Variants in TNKS observed in about 807,000 individuals in gnomAD.
TNKS encodes the protein tankyrase, also known as poly [ADP-ribose] polymerase tankyrase-1.
TNKS carries 72 observed loss-of-function variants against 135.8 expected under a neutral mutation model. The ratio of observed to expected loss-of-function variants is 0.53; its 90% CI spans 0.44 to 0.64. TNKS has a LOEUF of 0.64. Among genes scored for constraint, TNKS ranks in the 30% least tolerant of loss-of-function variants. TNKS has a pLI of 0.00. For missense variants in TNKS, 1,769 were observed against 1,674.0 expected (o/e 1.06, Z -0.99); for synonymous variants, 849 against 649.3 (o/e 1.31, Z -4.68).
At chr8:9,730,844 G>A (rs754906361) in intron 13 of TNKS, 46 bp from the exon 14 acceptor site, 1 of 1,576,672 alleles carries the variant, frequency 6.3e-7, no homozygotes, top group South Asian at 1.2e-5. Flanking sequence ...TGTGAATAAA[G>A]AGTAATGTTC....
At chr8:9,667,525 G>C (rs1373960916) in intron 3 of TNKS, among the ~76,000 whole-genome samples, 2 of 152,222 alleles carry the variant, frequency 1.3e-5, no homozygotes, top group African/African-American at 4.8e-5. Flanking sequence ...AGGAATTGCA[G>C]ACTGATGTGG....
At chr8:9,629,290 A>G (rs1800190562) in intron 3 of TNKS, among the ~76,000 whole-genome samples, 1 of 152,342 alleles carries the variant, frequency 6.6e-6, no homozygotes, top group East Asian at 1.9e-4. Context: ...CTTGCCGAGG[A>G]GTGACATTGC....
intron 20 of TNKS, among the ~76,000 whole-genome samples, chr8:9,758,195 G>C (rs1806943400): frequency 2.0e-5 from 3 of 152,178 alleles, no homozygotes; most frequent in Admixed American, 2.0e-4. Context: ...AACTGTGCTT[G>C]TTATGTAGCG....
intron 5 of TNKS, among the ~76,000 whole-genome samples, chr8:9,693,690 A>G (rs991298770): frequency 1.3e-5 from 2 of 152,206 alleles, no homozygotes; most frequent in African/African-American, 2.4e-5. Flanking sequence ...AAAAATTACA[A>G]GGATGATATG....
intron 21 of TNKS, among the ~76,000 whole-genome samples, chr8:9,761,857 C>T (rs1016402225): frequency 6.6e-6 from 1 of 152,180 alleles, no homozygotes; most frequent in Non-Finnish European, 1.5e-5. Context: ...CTCAATTTTT[C>T]TGGAATCTCT....
intron 11 of TNKS, among the ~76,000 whole-genome samples, chr8:9,716,843 A>G (rs1174095879): frequency 6.6e-6 from 1 of 151,564 alleles, no homozygotes; most frequent in Non-Finnish European, 1.5e-5. Flanking sequence ...TACAACCCAT[A>G]CTTTATGTGT....
chr8:9,748,221 T>C lies in TNKS; in HGVS notation c.2832+9T>C. 2 of 1,515,392 alleles carry C rather than the reference T, an allele frequency of 1.3e-6. No homozygotes were observed. Among genetic ancestry groups the C allele is most frequent in the Non-Finnish European group, 1.8e-6 (2 of 1,128,110 alleles). 93.9% of individuals were successfully genotyped at this position (1,515,392 alleles called of 1,614,324 possible). A position where few individuals can be genotyped will look rare whatever the true frequency, so the allele number is the denominator to read the frequency against. On this transcript the variant is annotated intron_variant, in intron 18 of 26. Coordinates refer to ENST00000310430, the MANE Select transcript of TNKS (RefSeq NM_003747.3). ...CTCTGGATCTGGCAACAGTAAGTCC[T>C]CATTTCAGATACTGATTATTGTTCC...
At chr8:9,677,390 T>A (rs1428999421) in intron 3 of TNKS, among the ~76,000 whole-genome samples, 2 of 152,186 alleles carry the variant, frequency 1.3e-5, no homozygotes, top group African/African-American at 4.8e-5. Context: ...CTATGCTTGA[T>A]GAGAAGTTCA....
chr8:9,671,498 C>T (rs1802267830), intron 3 of TNKS, among the ~76,000 whole-genome samples: 1 of 152,118 alleles, frequency 6.6e-6, no homozygotes, highest in African/African-American at 2.4e-5. Flanking sequence ...GTAAAAGATA[C>T]TAGAATCAGA....
rs942482909 is a variant in TNKS, at chr8:9,748,101, C to T, written c.2721C>T (p.Leu907=). 1.2e-6 allele frequency: 2 copies of T among 1,614,044 alleles called. No homozygotes were observed. Among genetic ancestry groups the T allele is most frequent in the African/African-American group, 2.7e-5 (2 of 74,914 alleles). ...NATDKWAFTP[L]HEAAQKGRTQ... ...CAGATAAGTGGGCGTTTACTCCCCT[C>T]CATGAAGCAGCCCAGAAAGGAAGGA... Residue 907 remains leucine, a synonymous_variant, in exon 18 of 27, where the codon CTC becomes CTT. Coordinates refer to ENST00000310430, the MANE Select transcript of TNKS (RefSeq NM_003747.3).
chr8:9,685,150 A>G lies in TNKS; in HGVS notation c.1107+4350A>G, dbSNP rs560929933. Among the ~76,000 whole-genome samples the G allele has an allele frequency of 3.3e-5, 5 of 151,994 alleles. No homozygotes were observed. The South Asian group carries it at 1.0e-3, about 31-fold the overall frequency. On this transcript the variant is annotated intron_variant, in intron 5 of 26. Coordinates refer to ENST00000310430, the MANE Select transcript of TNKS (RefSeq NM_003747.3). ...AAGATGACTGGAAACAGAGAAAAGT[A>G]AAGTGTTTGAAAACTACTTTCAAAA...
intron 3 of TNKS, among the ~76,000 whole-genome samples, chr8:9,637,914 G>A (rs573600349): frequency 7.2e-5 from 11 of 152,022 alleles, no homozygotes; most frequent in African/African-American, 2.7e-4. Flanking sequence ...TTTTCTTAAG[G>A]TTATACTTTA....
intron 3 of TNKS, among the ~76,000 whole-genome samples, chr8:9,635,662 G>C (rs908820023): frequency 6.6e-6 from 1 of 152,188 alleles, no homozygotes; most frequent in African/African-American, 2.4e-5. Context: ...AATTAAGCCT[G>C]TGTGCTGGCA....
chr8:9,572,204 G>T (rs771557636), intron 1 of TNKS, among the ~76,000 whole-genome samples: 1 of 152,126 alleles, frequency 6.6e-6, no homozygotes, highest in Non-Finnish European at 1.5e-5. Context: ...AGATTAATTT[G>T]ACTTTTACAT....
intron 5 of TNKS, among the ~76,000 whole-genome samples, chr8:9,689,900 C>A (rs6990779): frequency 0.74 from 111,836 of 152,020 alleles, 41,321 homozygotes; most frequent in Middle Eastern, 0.82. Context: ...TTCTTCTTTC[C>A]AGAAGACCTC....
chr8:9,655,790 G>A (rs1801338657), intron 3 of TNKS, among the ~76,000 whole-genome samples: 1 of 151,814 alleles, frequency 6.6e-6, no homozygotes, highest in South Asian at 2.1e-4. Context: ...ACCAAGATGG[G>A]GAAAAACCAA....
At chr8:9,561,092 A>G (rs1304223807) in intron 1 of TNKS, among the ~76,000 whole-genome samples, 2 of 152,228 alleles carry the variant, frequency 1.3e-5, no homozygotes, top group Non-Finnish European at 2.9e-5. Flanking sequence ...TTACATGTGT[A>G]TTCCTACATA....
At chr8:9,651,338 T>C (rs139699981) in intron 3 of TNKS, among the ~76,000 whole-genome samples, 56 of 152,274 alleles carry the variant, frequency 3.7e-4, no homozygotes, top group African/African-American at 1.3e-3. Context: ...AATATAAGGA[T>C]AGAAAATATA....
intron 3 of TNKS, among the ~76,000 whole-genome samples, chr8:9,621,822 C>G (rs984216135): frequency 6.6e-6 from 1 of 151,998 alleles, no homozygotes; most frequent in African/African-American, 2.4e-5. Context: ...TAAATCTTAC[C>G]TTACTTATTA....
Sources: allele counts gnomAD v4.1 joint callset (sites outside exome capture counted in the v4.1 genomes callset), GRCh38; gene constraint gnomAD v4.1.1; transcripts MANE v1.5; gene names NCBI Gene and HGNC (gene_info 2026-07-23, HGNC 2026-07-21).